Variants in SNTG1 observed in about 807,000 individuals in gnomAD.
SNTG1 encodes syntrophin gamma 1, also known as gamma-1-syntrophin.
Under a neutral mutation model 74.7 loss-of-function variants are expected in SNTG1, and 39 were observed. That is an observed-to-expected ratio of 0.52 (90% CI 0.40 to 0.68). The LOEUF (loss-of-function observed/expected upper bound fraction) is 0.68. SNTG1 is among the 30% of genes least tolerant of loss of function. The pLI is 0.00. For missense variants in SNTG1, 685 were observed against 609.5 expected (o/e 1.12, Z -1.30); for synonymous variants, 254 against 217.1 (o/e 1.17, Z -1.49).
chr8:50,669,864 C>T (rs1225640557), intron 15 of SNTG1, among the ~76,000 whole-genome samples: 1 of 152,134 alleles, frequency 6.6e-6, no homozygotes, highest in Non-Finnish European at 1.5e-5. Context: ...GGCTTCATCC[C>T]TGGGATGCAA....
intron 8 of SNTG1, among the ~76,000 whole-genome samples, chr8:50,462,761 G>A (rs11785209): frequency 0.39 from 44,591 of 113,266 alleles, 13,247 homozygotes; most frequent in Non-Finnish European, 0.56. Context: ...TTTTCATGAC[G>A]TGGCAGCAAC....
intron 2 of SNTG1, among the ~76,000 whole-genome samples, chr8:50,334,514 A>AAAG (rs1554643031): frequency 2.0e-5 from 3 of 151,828 alleles, no homozygotes; most frequent in Non-Finnish European, 2.9e-5. Context: ...CTAAAAAAAA[A>AAAG]AAAAAGGAAA....
chr8:50,622,368 C>T (rs79169166), intron 13 of SNTG1, among the ~76,000 whole-genome samples: 1 of 152,052 alleles, frequency 6.6e-6, no homozygotes. Flanking sequence ...TGTATAGAAA[C>T]AGTTAATGTT....
chr8:50,032,404 T>A (rs1817808580), intron 1 of SNTG1, among the ~76,000 whole-genome samples: 2 of 152,168 alleles, frequency 1.3e-5, no homozygotes, highest in Non-Finnish European at 2.9e-5. Context: ...TTTTTCTTTT[T>A]CTTTTAATAT....
chr8:49,914,124 C>CT (rs143489539), intron 1 of SNTG1, among the ~76,000 whole-genome samples: 1,937 of 152,040 alleles, frequency 0.013, 44 homozygotes, highest in African/African-American at 0.043. Flanking sequence ...TAATGCCTAC[C>CT]AATGCTAATC....
intron 2 of SNTG1, among the ~76,000 whole-genome samples, chr8:50,243,240 C>A (rs1307521898): frequency 6.6e-6 from 1 of 152,018 alleles, no homozygotes; most frequent in African/African-American, 2.4e-5. Context: ...CAGTCTGACC[C>A]AAAACTATGT....
intron 12 of SNTG1, among the ~76,000 whole-genome samples, chr8:50,577,605 A>G (rs980144263): frequency 6.6e-6 from 1 of 152,054 alleles, no homozygotes; most frequent in Admixed American, 6.6e-5. Context: ...ATGTTTATAC[A>G]TTGAGATTTG....
chr8:49,912,295 G>C (rs1805645370), intron 1 of SNTG1, 64 bp downstream of exon 1: 1 of 152,160 alleles, frequency 6.6e-6, no homozygotes, highest in Non-Finnish European at 1.5e-5. Context: ...TGGTTTAACA[G>C]AAAGATCATA....
At chr8:50,593,132 G>C (rs1016887115) in intron 13 of SNTG1, among the ~76,000 whole-genome samples, 1 of 151,680 alleles carries the variant, frequency 6.6e-6, no homozygotes, top group African/African-American at 2.4e-5. Context: ...AAGCTACAAT[G>C]AATCCGAAGT....
At chr8:49,920,467 G>A (rs915553265) in intron 1 of SNTG1, among the ~76,000 whole-genome samples, 2 of 151,906 alleles carry the variant, frequency 1.3e-5, no homozygotes, top group South Asian at 4.1e-4. Context: ...ATTCATAAGT[G>A]GTTTAGGAAG....
chr8:50,428,578 AGG>A (rs1326174187), intron 4 of SNTG1, among the ~76,000 whole-genome samples: 1 of 152,208 alleles, frequency 6.6e-6, no homozygotes, highest in Admixed American at 6.5e-5. Context: ...TCACATATGA[AGG>A]ACCTGCTACA....
chr8:50,288,798 A>G (rs1411061747), intron 2 of SNTG1, among the ~76,000 whole-genome samples: 1 of 152,244 alleles, frequency 6.6e-6, no homozygotes, highest in South Asian at 2.1e-4. Context: ...AATGTACTTA[A>G]AGCTTTATTC....
chr8:50,108,174 TA>T (rs1176902142), intron 1 of SNTG1, among the ~76,000 whole-genome samples: 1 of 152,176 alleles, frequency 6.6e-6, no homozygotes, highest in African/African-American at 2.4e-5. Flanking sequence ...ATTTACTAAC[TA>T]AATAGAACTC....
At chr8:50,080,296 T>C (rs1033111433) in intron 1 of SNTG1, among the ~76,000 whole-genome samples, 2 of 152,218 alleles carry the variant, frequency 1.3e-5, no homozygotes, top group African/African-American at 4.8e-5. Flanking sequence ...CTCTGATGGA[T>C]ACAGTTTTAG....
intron 2 of SNTG1, among the ~76,000 whole-genome samples, chr8:50,179,441 G>T (rs1229795367): frequency 6.6e-6 from 1 of 152,012 alleles, no homozygotes; most frequent in African/African-American, 2.4e-5. Context: ...ATAAACATTA[G>T]TTATTAAACT....
chr8:50,131,537 C>T (rs2081317251), intron 1 of SNTG1, among the ~76,000 whole-genome samples: 1 of 152,012 alleles, frequency 6.6e-6, no homozygotes. Flanking sequence ...TTCCATTGTA[C>T]ATATGTGTAC....
intron 8 of SNTG1, among the ~76,000 whole-genome samples, chr8:50,494,122 C>T (rs905057491): frequency 3.1e-4 from 46 of 148,588 alleles, no homozygotes; most frequent in African/African-American, 7.2e-4. Flanking sequence ...TGTATATATA[C>T]ACACACACAC....
Position 50,752,094 on chromosome 8 carries a change from A to G in SNTG1, c.1378A>G (p.Lys460Glu). ...IKFLFQNPDT[K>E]QIEAKELEFS... ...ATTTTTGTTTCAGAATCCAGATACTAAACAGATTGAAGCAAAGGTAAACCC... is the reference window on the plus strand; with the variant it reads ...ATTTTTGTTTCAGAATCCAGATACTGAACAGATTGAAGCAAAGGTAAACCC... The change falls in exon 18 of 19, where the codon AAA becomes GAA. Residue 460 changes from lysine (K) to glutamate (E), a missense_variant. Transcript: ENST00000642720. 1 of 1,552,818 alleles carries G rather than the reference A, an allele frequency of 6.4e-7. No homozygotes were observed. The highest frequency in any genetic ancestry group is 8.7e-7 in the Non-Finnish European group (1 of 1,154,830).
intron 17 of SNTG1, among the ~76,000 whole-genome samples, chr8:50,726,967 T>C (rs67769978): frequency 0.21 from 31,272 of 152,146 alleles, 3,331 homozygotes; most frequent in South Asian, 0.32. Flanking sequence ...ATACTACCAT[T>C]GAAAGATGTT....
Sources: allele counts gnomAD v4.1 joint callset (sites outside exome capture counted in the v4.1 genomes callset), GRCh38; gene constraint gnomAD v4.1.1; transcripts MANE v1.5; gene names NCBI Gene and HGNC (gene_info 2026-07-23, HGNC 2026-07-21).